The following MYBPC2 variants were observed in gnomAD, a reference collection of about 807,000 sequenced individuals.
The protein encoded by MYBPC2 is myosin binding protein C2.
A neutral mutation model predicts 137.0 loss-of-function variants in MYBPC2; 122 were observed. The ratio of observed to expected loss-of-function variants is 0.89; its 90% CI spans 0.77 to 1.03. MYBPC2 has a LOEUF of 1.03. Among genes scored for constraint, MYBPC2 ranks in the 50% least tolerant of loss-of-function variants. The probability of loss-of-function intolerance (pLI) is 0.00; values close to 1 mark genes in which losing one functional copy is unlikely to be tolerated. For missense variants in MYBPC2, 1,500 were observed against 1,534.4 expected, an observed-to-expected ratio of 0.98 and a Z score of 0.37; for synonymous variants, 626 against 612.3, an observed-to-expected ratio of 1.02 and a Z score of -0.33.
In MYBPC2 at chr19:50,435,795, G is replaced by C. The variant is rs1381467395; in HGVS notation, c.129G>C (p.Gln43His). Residue 43 changes from glutamine (Q) to histidine (H), a missense_variant, in exon 3 of 28, where the codon CAG (glutamine) becomes CAC (histidine). Transcript: ENST00000357701. The surrounding 1 kb of genome is among the most constrained non-coding windows in gnomAD (Gnocchi z 4.8). The part of the protein sequence containing the change: ...EAPKEAPPED[Q>H]SPTAEEPTGV... ...GAACAGAAGCCCCACCCGAGGACCA[G>C]TCCCCGACTGCAGAGGAGCCCACCG... 1 of 1,611,576 alleles carries C rather than the reference G, an allele frequency of 6.2e-7. No individual in the cohort carries two copies. Among genetic ancestry groups the C allele is most frequent in the African/African-American group, 1.3e-5 (1 of 74,878 alleles).
chr19:50,445,981 T>C lies in MYBPC2; in HGVS notation c.1235T>C (p.Val412Ala), dbSNP rs2039801585. The C allele has an allele frequency of 1.2e-6, 2 of 1,613,180 alleles. No homozygotes were observed. Among genetic ancestry groups the C allele is most frequent in the African/African-American group, 1.3e-5 (1 of 74,878 alleles). ...KRHILIFSDV[V>A]QEDRGRYQVI... ...CACATCCTCATCTTCTCAGACGTGG[T>C]CCAGGAGGACAGGGGTCGCTATCAG... The change falls in exon 12 of 28, where the codon GTC becomes GCC. Residue 412 changes from valine to alanine, a missense_variant. Coordinates refer to ENST00000357701, the MANE Select transcript of MYBPC2 (RefSeq NM_004533.4).
At chr19:50,458,440 T>A (rs1041475165) in intron 20 of MYBPC2, 147 bp from the exon 21 acceptor site, 2 of 969,284 alleles carry the variant, frequency 2.1e-6, no homozygotes, top group Non-Finnish European at 3.0e-6. Flanking sequence ...GATGAATGCT[T>A]AACTAACTCC....
chr19:50,465,570 G>A lies in MYBPC2; in HGVS notation c.3416-625G>A, dbSNP rs1169954099. ...GAGAGGACACTTTCTAGCCAAGCACGGTGGCTCTCGCCTGTAATCCCAGCA... is the reference window on the plus strand; with the variant it reads ...GAGAGGACACTTTCTAGCCAAGCACAGTGGCTCTCGCCTGTAATCCCAGCA... On this transcript the variant is annotated intron_variant, in intron 27 of 27. Transcript: ENST00000357701. This position sits in a 1 kb window ranked among gnomAD's most constrained non-coding sequence, Gnocchi z 4.5. Among the ~76,000 whole-genome samples the A allele has an allele frequency of 6.6e-6, 1 of 152,218 alleles. No homozygotes were observed. Among genetic ancestry groups the A allele is most frequent in the Non-Finnish European group, 1.5e-5 (1 of 68,040 alleles).
chr19:50,445,536 G>A (rs764336757), intron 11 of MYBPC2, among the ~76,000 whole-genome samples: 3 of 151,862 alleles, frequency 2.0e-5, no homozygotes, highest in Non-Finnish European at 4.4e-5. Context: ...GGGATTATAG[G>A]TGCCCACCAC....
At position 50,450,882 on chromosome 19, in the gene MYBPC2, C is replaced by G; in HGVS notation, c.1526C>G (p.Thr509Arg). The G allele has an allele frequency of 1.3e-6, 2 of 1,580,708 alleles. No individual in the cohort carries two copies. Among genetic ancestry groups the G allele is most frequent in the South Asian group, 2.3e-5 (2 of 85,756 alleles). Residue 509 changes from threonine to arginine, a missense_variant, in exon 14 of 28, where the codon ACG becomes AGG. Transcript: ENST00000357701. The stretch of plus-strand genomic sequence containing the variant: ...CGCCCCGAGGATGAGGGAGACTACA[C>G]GTTTGTGCCTGACGGCTACGCCCTG... ...DVRPEDEGDY[T>R]FVPDGYALSL...
intron 16 of MYBPC2, 41 bp from the exon 17 acceptor site, chr19:50,453,979 G>A (rs752975823): frequency 9.0e-6 from 14 of 1,550,202 alleles, no homozygotes; most frequent in Non-Finnish European, 1.1e-5. Context: ...GTTTGCTTGG[G>A]GACACGATGG....
At chr19:50,433,521 G>A (rs1301997941) in intron 1 of MYBPC2, among the ~76,000 whole-genome samples, 2 of 151,832 alleles carry the variant, frequency 1.3e-5, no homozygotes, top group Non-Finnish European at 2.9e-5. Flanking sequence ...TCTCCTGCCT[G>A]GGGTAGCTGG....
At chr19:50,447,169 A>G (rs989300846) in intron 12 of MYBPC2, among the ~76,000 whole-genome samples, 35 of 151,996 alleles carry the variant, frequency 2.3e-4, no homozygotes, top group African/African-American at 8.5e-4. Flanking sequence ...CTCGTAAAAC[A>G]TAAGTGAGAT....
intron 4 of MYBPC2, 105 bp downstream of exon 4, chr19:50,436,265 C>A: frequency 6.8e-7 from 1 of 1,465,276 alleles, no homozygotes; most frequent in East Asian, 2.5e-5. Flanking sequence ...GGCCTGGAGC[C>A]GGGATGGAGA....
chr19:50,455,675 G>A, intron 20 of MYBPC2, 31 bp downstream of exon 20: 2 of 1,610,454 alleles, frequency 1.2e-6, no homozygotes, highest in South Asian at 1.1e-5. Context: ...TGGTGGGGGT[G>A]GTGGCTAGCA....
chr19:50,436,623 A>C lies in MYBPC2; in HGVS notation c.352A>C (p.Thr118Pro). 6.2e-7 allele frequency: 1 copy of C among 1,613,860 alleles called. No individual in the cohort carries two copies. Among genetic ancestry groups the C allele is most frequent in the Non-Finnish European group, 8.5e-7 (1 of 1,179,788 alleles). Reference sequence around the variant, plus strand: ...CCCCCGGCCCTGGACCCAGGTGTACACCGTGGAGCTGCACATTGGGAAGGT... The same window carrying C: ...CCCCCGGCCCTGGACCCAGGTGTACCCCGTGGAGCTGCACATTGGGAAGGT... ...ESHNSASNVY[T>P]VELHIGKVVL... Residue 118 changes from threonine to proline, a missense_variant, in exon 5 of 28, where the codon ACC (threonine) becomes CCC (proline). Transcript: ENST00000357701.
rs1390175236 is a variant in MYBPC2 at position 50,436,730 on chromosome 19, G to C, written c.459G>C (p.Val153=). Residue 153 remains valine (V), a synonymous_variant, in exon 5 of 28, where the codon GTG becomes GTC. Coordinates refer to ENST00000357701, the MANE Select transcript of MYBPC2 (RefSeq NM_004533.4). The part of the protein sequence containing the change: ...TCDSCGFNID[V]EAPRQDASGQ... ...ACAGCTGTGGCTTCAACATCGATGTGGAGGGTATGCTGGTGGGGGATGCGG... is the reference window on the plus strand; with the variant it reads ...ACAGCTGTGGCTTCAACATCGATGTCGAGGGTATGCTGGTGGGGGATGCGG... 6.2e-7 allele frequency: 1 copy of C among 1,613,796 alleles called. No homozygotes were observed. The highest frequency in any genetic ancestry group is 1.3e-5 in the African/African-American group (1 of 75,044).
intron 20 of MYBPC2, among the ~76,000 whole-genome samples, chr19:50,456,082 GTCCATCCATCCATCCA>G (rs34206117): frequency 2.0e-4 from 25 of 127,732 alleles, no homozygotes; most frequent in African/African-American, 4.0e-4. Flanking sequence ...TCATCTTACC[GTCCATCCATCCATCCA>G]TCCATCCATC....
chr19:50,439,093 C>T (rs916728236), intron 7 of MYBPC2, among the ~76,000 whole-genome samples: 1 of 151,416 alleles, frequency 6.6e-6, no homozygotes, highest in Non-Finnish European at 1.5e-5. Context: ...CATCCACTCA[C>T]CCACCTGTCT....
chr19:50,463,938 C>CAAAA (rs5828433), intron 26 of MYBPC2, among the ~76,000 whole-genome samples: 3 of 131,156 alleles, frequency 2.3e-5, no homozygotes, highest in Non-Finnish European at 3.2e-5. Flanking sequence ...GATTCTGTCT[C>CAAAA]AAAAAAAAAA....
chr19:50,437,782 G>T, intron 7 of MYBPC2, 64 bp downstream of exon 7: 1 of 1,524,484 alleles, frequency 6.6e-7, no homozygotes, highest in South Asian at 1.2e-5. Context: ...GGTGGGTGAA[G>T]CTCCATGGCC....
Position 50,451,990 on chromosome 19 carries a change from T to C in MYBPC2, c.1736T>C (p.Leu579Pro). 6.4e-7 allele frequency: 1 copy of C among 1,552,418 alleles called. No individual in the cohort carries two copies. The highest frequency in any genetic ancestry group is 8.7e-7 in the Non-Finnish European group (1 of 1,147,238). Residue 579 changes from leucine (L) to proline (P), a missense_variant, in exon 16 of 28, where the codon CTG becomes CCG. By Grantham distance (98) the Leu-to-Pro change is moderately conservative (BLOSUM62 -3). Transcript: ENST00000357701. The stretch of plus-strand genomic sequence containing the variant: ...GAGCCCCCTCCCGTCGCTACCTGGC[T>C]GAAGGGAGATGAGGTGGGTTGGGGC... Reference protein sequence around the residue: ...TGEPPPVATWLKGDEVFTTTE... With the variant: ...TGEPPPVATWPKGDEVFTTTE...
chr19:50,444,132 G>GTCCATCCATCCATCCATCCA (rs3087049), intron 11 of MYBPC2, among the ~76,000 whole-genome samples: 2 of 144,472 alleles, frequency 1.4e-5, no homozygotes, highest in Non-Finnish European at 3.0e-5. Context: ...CATCCACCCA[G>GTCCATCCATCCATCCATCCA]TCCATCCATC....
At chr19:50,436,544 A>G in intron 4 of MYBPC2, 73 bp from the exon 5 acceptor site, 2 of 1,320,610 alleles carry the variant, frequency 1.5e-6, no homozygotes, top group Non-Finnish European at 1.1e-6. Flanking sequence ...TAGAGCTATG[A>G]GTGGACTCTG....
Sources: gnomAD v4.1 joint callset for allele counts (sites outside exome capture counted in the v4.1 genomes callset) on GRCh38, gnomAD v4.1.1 for gene constraint, Gnocchi (gnomAD v3.1) non-coding constraint, MANE v1.5 for transcripts, NCBI Gene and HGNC (gene_info 2026-07-23, HGNC 2026-07-21) for gene names.